ITGB6: variants seen among roughly 807,000 people sequenced by gnomAD.
The protein encoded by ITGB6 is integrin subunit beta 6.
In ITGB6, 80 loss-of-function variants were observed where a neutral mutation model predicts 84.5. The observed-to-expected ratio is 0.95, with a 90% CI of 0.79 to 1.14. ITGB6 has a LOEUF of 1.14. ITGB6 is among the 50% of genes most tolerant of loss of function. The probability of loss-of-function intolerance (pLI) is 0.00; values close to 1 mark genes in which losing one functional copy is unlikely to be tolerated. For synonymous variants in ITGB6, 383 were observed against 354.9 expected (o/e 1.08, Z -0.89); for missense variants, 1,006 against 968.0 (o/e 1.04, Z -0.52).
At chr2:160,190,771 A>T (rs558372421) in intron 4 of ITGB6, among the ~76,000 whole-genome samples, 8 of 152,204 alleles carry the variant, frequency 5.3e-5, no homozygotes, top group Admixed American at 5.2e-4. Flanking sequence ...TTAGTTCAAG[A>T]TGCTGGGATA....
At chr2:160,158,535 G>A (rs1327781050) in intron 7 of ITGB6, among the ~76,000 whole-genome samples, 1 of 152,186 alleles carries the variant, frequency 6.6e-6, no homozygotes, top group Non-Finnish European at 1.5e-5. Context: ...GAGAGGAATT[G>A]CAGACCTTTG....
chr2:160,148,178 A>T (rs769936536), intron 7 of ITGB6, among the ~76,000 whole-genome samples: 2 of 152,252 alleles, frequency 1.3e-5, no homozygotes, highest in Non-Finnish European at 2.9e-5. Context: ...AAGAAGATAC[A>T]GAGATGGCAA....
intron 3 of ITGB6, among the ~76,000 whole-genome samples, 178 bp downstream of exon 3, chr2:160,196,038 C>T (rs1158312667): frequency 3.3e-5 from 5 of 152,110 alleles, no homozygotes; most frequent in African/African-American, 1.2e-4. Context: ...AATTGGAGTG[C>T]CGGGGCCAAT....
chr2:160,136,199 A>C (rs1163249056), intron 10 of ITGB6, among the ~76,000 whole-genome samples: 1 of 152,194 alleles, frequency 6.6e-6, no homozygotes, highest in Admixed American at 6.5e-5. Flanking sequence ...AACTCAAACA[A>C]ATTTACAAGA....
At chr2:160,171,325 A>ATTTATT (rs1685190589) in intron 6 of ITGB6, among the ~76,000 whole-genome samples, 1 of 126,004 alleles carries the variant, frequency 7.9e-6, no homozygotes, top group African/African-American at 2.7e-5. Flanking sequence ...CAGAAATCAA[A>ATTTATT]TTTATTTTTT....
chr2:160,130,010 A>G (rs1488157575), intron 10 of ITGB6, among the ~76,000 whole-genome samples: 1 of 152,168 alleles, frequency 6.6e-6, no homozygotes, highest in East Asian at 1.9e-4. Context: ...GAAATGCATC[A>G]TTAGGTGATT....
chr2:160,119,138 C>T (rs997377330), intron 12 of ITGB6, among the ~76,000 whole-genome samples: 10 of 152,200 alleles, frequency 6.6e-5, no homozygotes, highest in Non-Finnish European at 1.0e-4. Context: ...CTACCAATGA[C>T]TTTCTTCACA....
intron 4 of ITGB6, among the ~76,000 whole-genome samples, chr2:160,185,074 C>A (rs1266295205): frequency 6.6e-6 from 1 of 152,174 alleles, no homozygotes; most frequent in Non-Finnish European, 1.5e-5. Flanking sequence ...CTGCACAAGA[C>A]AAGAATGCCC....
At chr2:160,118,959 G>A (rs1176691581) in intron 12 of ITGB6, among the ~76,000 whole-genome samples, 1 of 152,026 alleles carries the variant, frequency 6.6e-6, no homozygotes, top group East Asian at 1.9e-4. Context: ...AACTTACAAG[G>A]GATGTGAAGG....
intron 4 of ITGB6, among the ~76,000 whole-genome samples, chr2:160,191,998 T>C (rs990235576): frequency 3.3e-5 from 5 of 152,142 alleles, no homozygotes; most frequent in Admixed American, 3.3e-4. Flanking sequence ...TAAATGAAGA[T>C]ATATGTCATG....
At chr2:160,142,189 G>C (rs1045963246) in intron 7 of ITGB6, 118 bp from the exon 8 acceptor site, 2 of 615,484 alleles carry the variant, frequency 3.2e-6, no homozygotes, top group African/African-American at 3.8e-5. Context: ...AAACAGGTTC[G>C]TGATAACAAA....
chr2:160,106,685 T>A (rs961146846), intron 14 of ITGB6, among the ~76,000 whole-genome samples: 1 of 152,254 alleles, frequency 6.6e-6, no homozygotes, highest in African/African-American at 2.4e-5. Flanking sequence ...GTGTTCATTG[T>A]CCTGTACCAT....
intron 8 of ITGB6, among the ~76,000 whole-genome samples, chr2:160,138,934 C>G (rs1033132837): frequency 1.1e-4 from 17 of 152,306 alleles, no homozygotes; most frequent in African/African-American, 3.4e-4. Context: ...TACATCATGA[C>G]TGCTGCCTGG....
intron 4 of ITGB6, among the ~76,000 whole-genome samples, chr2:160,177,049 T>C (rs1029430469): frequency 1.3e-5 from 2 of 152,232 alleles, no homozygotes; most frequent in African/African-American, 4.8e-5. Context: ...AAAAAGTTTG[T>C]ATCCATTGCC....
intron 4 of ITGB6, among the ~76,000 whole-genome samples, chr2:160,192,049 A>G (rs541929053): frequency 9.3e-4 from 141 of 152,310 alleles, no homozygotes; most frequent in Non-Finnish European, 1.6e-3. Context: ...GATGTTCAAT[A>G]TCCCCACAAA....
In ITGB6 at chr2:160,123,773, A is replaced by G. The variant is rs1375787621; in HGVS notation, c.1981+18T>C. 6 of 1,600,670 alleles carry G rather than the reference A, an allele frequency of 3.7e-6. No individual in the cohort carries two copies. In the Admixed American group the frequency reaches 5.0e-5, roughly 13 times the overall value. ...GAACTACATAAGGAAATGAAAAACA[A>G]TTTAAGACAAGCAGAACCTTCTTCT... On this transcript the variant is annotated intron_variant, in intron 12 of 14. Transcript: ENST00000283249.
In ITGB6 at chr2:160,160,572, T is replaced by C. The variant is rs552242320; in HGVS notation, c.1017+8640A>G. ...TAATACTAGTCCCTTGGTAGGATAT[T>C]TGGGGCTTTTCTGGATAATCAGACA... On this transcript the variant is annotated intron_variant, in intron 7 of 14. Coordinates refer to ENST00000283249, the MANE Select transcript of ITGB6 (RefSeq NM_000888.5). 1.6e-3 allele frequency among the ~76,000 whole-genome samples: 239 copies of C among 152,306 alleles called. 1 individual carries two copies. Among genetic ancestry groups the C allele is most frequent in the South Asian group, 8.5e-3 (41 of 4,824 alleles).
At chr2:160,113,372 G>T (rs1403602309) in intron 12 of ITGB6, among the ~76,000 whole-genome samples, 1 of 152,178 alleles carries the variant, frequency 6.6e-6, no homozygotes, top group Non-Finnish European at 1.5e-5. Flanking sequence ...GCTGTTTGCT[G>T]TCTTTACATT....
chr2:160,194,447 G>A (rs1286798389), intron 4 of ITGB6, among the ~76,000 whole-genome samples: 1 of 151,646 alleles, frequency 6.6e-6, no homozygotes, highest in East Asian at 1.9e-4. Context: ...TAGATATATA[G>A]CAGTAATGGG....
Sources: gnomAD v4.1 joint callset for allele counts (sites outside exome capture counted in the v4.1 genomes callset) on GRCh38, gnomAD v4.1.1 for gene constraint, MANE v1.5 for transcripts, NCBI Gene and HGNC (gene_info 2026-07-23, HGNC 2026-07-21) for gene names.